SSH2: variants seen among roughly 807,000 people sequenced by gnomAD.
SSH2 encodes slingshot protein phosphatase 2.
Under a neutral mutation model 135.2 loss-of-function variants are expected in SSH2, and 37 were observed. That is an observed-to-expected ratio of 0.27 (90% CI 0.21 to 0.36). The LOEUF is 0.36. Ranked by LOEUF, SSH2 falls within the 10% of genes least tolerant of loss-of-function variation. The pLI, the probability that SSH2 is intolerant of heterozygous loss-of-function variation, is 1.00. For synonymous variants in SSH2, 628 were observed against 646.2 expected (o/e 0.97, Z 0.43); for missense variants, 1,408 against 1,765.3 (o/e 0.80, Z 3.63).
chr17:29,636,642 T>C lies in SSH2; in HGVS notation c.1588A>G (p.Ile530Val). 5 of 1,614,160 alleles carry C rather than the reference T, an allele frequency of 3.1e-6. No homozygotes were observed. Among genetic ancestry groups the C allele is most frequent in the Non-Finnish European group, 4.2e-6 (5 of 1,180,028 alleles). The change falls in exon 15 of 16, where the codon ATA (isoleucine) becomes GTA (valine). Residue 530 changes from isoleucine (I) to valine (V), a missense_variant. By Grantham distance (29) the Ile-to-Val change is conservative. Transcript: ENST00000540801. ...ATATGTTCCACAAAGACAGGAGGTATGGGTGGGTGACTCTCCATGGTCTTC... is the reference window on the plus strand; with the variant it reads ...ATATGTTCCACAAAGACAGGAGGTACGGGTGGGTGACTCTCCATGGTCTTC... ...EVKTMESHPP[I>V]PPVFVEHMVP...
chr17:29,649,214 C>T (rs1244547899), intron 13 of SSH2, among the ~76,000 whole-genome samples: 1 of 151,960 alleles, frequency 6.6e-6, no homozygotes, highest in African/African-American at 2.4e-5. Flanking sequence ...CCCTTAGGTG[C>T]TGATTCATGC....
intron 2 of SSH2, among the ~76,000 whole-genome samples, chr17:29,844,239 T>C (rs2043093049): frequency 6.6e-6 from 1 of 152,198 alleles, no homozygotes; most frequent in Non-Finnish European, 1.5e-5. Context: ...ATTCTATATA[T>C]GACCTTCTGC....
chr17:29,733,168 GCTCA>G (rs1203301661), intron 3 of SSH2, among the ~76,000 whole-genome samples: 1 of 152,192 alleles, frequency 6.6e-6, no homozygotes, highest in Non-Finnish European at 1.5e-5. Flanking sequence ...TGGGGACAGA[GCTCA>G]CTCACAGATT....
intron 3 of SSH2, among the ~76,000 whole-genome samples, chr17:29,743,154 A>C (rs2040629866): frequency 6.7e-6 from 1 of 150,340 alleles, no homozygotes; most frequent in East Asian, 2.0e-4. Context: ...ATGGTCTTGA[A>C]CTCCTGGCCT....
At chr17:29,737,887 T>G (rs938670816) in intron 3 of SSH2, among the ~76,000 whole-genome samples, 1 of 152,140 alleles carries the variant, frequency 6.6e-6, no homozygotes, top group African/African-American at 2.4e-5. Flanking sequence ...GGCTTGAACT[T>G]CACTTACCAG....
chr17:29,674,229 T>A, intron 8 of SSH2: 1 of 451,580 alleles, frequency 2.2e-6, no homozygotes, highest in Non-Finnish European at 4.5e-6. Flanking sequence ...AGTCCATTTT[T>A]ATTAGGAAAA....
chr17:29,925,600 T>C, intron 1 of SSH2: 1 of 397,680 alleles, frequency 2.5e-6, no homozygotes, highest in Non-Finnish European at 4.4e-6. Context: ...TCCCAGATAC[T>C]CAGGGGGCTG....
At chr17:29,735,241 C>T (rs754570702) in intron 3 of SSH2, among the ~76,000 whole-genome samples, 3 of 152,164 alleles carry the variant, frequency 2.0e-5, no homozygotes, top group Non-Finnish European at 4.4e-5. Flanking sequence ...AATTCATAGC[C>T]TCCCCACTAC....
intron 3 of SSH2, among the ~76,000 whole-genome samples, chr17:29,734,570 T>C (rs1327699141): frequency 6.6e-6 from 1 of 152,194 alleles, no homozygotes; most frequent in Non-Finnish European, 1.5e-5. Context: ...ATTCAATAGG[T>C]ACCCATACTA....
At chr17:29,892,224 T>C (rs1044879203) in intron 1 of SSH2, among the ~76,000 whole-genome samples, 3 of 152,044 alleles carry the variant, frequency 2.0e-5, no homozygotes, top group African/African-American at 7.2e-5. Context: ...ACATTTTAAA[T>C]AGTAAATACA....
At chr17:29,888,725 G>C (rs957682384) in intron 1 of SSH2, among the ~76,000 whole-genome samples, 12 of 150,968 alleles carry the variant, frequency 7.9e-5, no homozygotes, top group African/African-American at 2.9e-4. Flanking sequence ...CTTTAGGCCA[G>C]GAGTGTGAGA....
chr17:29,805,044 C>T (rs2042316129), intron 2 of SSH2, among the ~76,000 whole-genome samples: 1 of 151,768 alleles, frequency 6.6e-6, no homozygotes, highest in Non-Finnish European at 1.5e-5. Context: ...ATCTGACAGG[C>T]ATGCAATATG....
intron 8 of SSH2, chr17:29,674,083 T>G (rs561254286): frequency 1.5e-5 from 7 of 456,672 alleles, no homozygotes; most frequent in African/African-American, 1.4e-4. Context: ...GGCAAATCAC[T>G]CTCCAGAAAG....
chr17:29,685,924 C>T (rs2038197885), intron 5 of SSH2, among the ~76,000 whole-genome samples: 1 of 150,348 alleles, frequency 6.7e-6, no homozygotes, highest in South Asian at 2.1e-4. Flanking sequence ...TCTCGGCTCA[C>T]CGCAACCTCT....
chr17:29,629,633 C>T lies in SSH2; in HGVS notation c.*1208G>A, dbSNP rs1232437225. 1 of 152,512 alleles carries T rather than the reference C, an allele frequency of 6.6e-6. No individual in the cohort carries two copies. Among genetic ancestry groups the T allele is most frequent in the Non-Finnish European group, 1.5e-5 (1 of 68,014 alleles). 9.4% of individuals were successfully genotyped at this position (152,512 alleles called of 1,614,324 possible). On this transcript the variant is annotated 3_prime_UTR_variant, in exon 16 of 16. Coordinates refer to ENST00000540801, the MANE Select transcript of SSH2 (RefSeq NM_001282129.2). ...AAATTACCCTACAACATGAACAAGACACTAAGACAGTGACAATATTATGTA... is the reference window on the plus strand; with the variant it reads ...AAATTACCCTACAACATGAACAAGATACTAAGACAGTGACAATATTATGTA...
intron 14 of SSH2, chr17:29,641,560 A>G (rs1019875141): frequency 3.3e-5 from 5 of 152,182 alleles, no homozygotes; most frequent in Admixed American, 1.3e-4. Context: ...CTGGGAAATA[A>G]TTGGCCTTTT....
chr17:29,744,199 G>T (rs1289950144), intron 3 of SSH2, among the ~76,000 whole-genome samples: 2 of 152,088 alleles, frequency 1.3e-5, no homozygotes, highest in Admixed American at 6.5e-5. Context: ...GCTGCCGGGG[G>T]TGAGGGGCCA....
intron 1 of SSH2, among the ~76,000 whole-genome samples, chr17:29,866,330 G>C (rs781377036): frequency 2.0e-5 from 3 of 152,092 alleles, no homozygotes; most frequent in South Asian, 2.1e-4. Flanking sequence ...AAGCAAAGTG[G>C]GGTTATCTCC....
chr17:29,849,436 G>C (rs1459129902), intron 1 of SSH2, among the ~76,000 whole-genome samples: 1 of 138,308 alleles, frequency 7.2e-6, no homozygotes, highest in Admixed American at 7.9e-5. Context: ...CCGAGATCGC[G>C]CCACTGTACT....
Sources: allele counts gnomAD v4.1 joint callset (sites outside exome capture counted in the v4.1 genomes callset), GRCh38; gene constraint gnomAD v4.1.1; transcripts MANE v1.5; gene names NCBI Gene and HGNC (gene_info 2026-07-23, HGNC 2026-07-21).